Variants in PTTG1IP2 observed in about 807,000 individuals in gnomAD.
PTTG1IP2 encodes the protein PTTG1IP family member 2.
In PTTG1IP2 at chr7:90,497,713, T is replaced by TAAAAAAA. The variant is rs1491565834; in HGVS notation, c.*50+3284_*50+3285insAAAAAAA. On this transcript the variant is annotated intron_variant, in intron 6 of 6. Transcript: ENST00000509356. ...GCCTGAGCGACAGAGAAAGACCCTG[T>TAAAAAAA]ATAAAAAAAAAAAAAAAAAAAAAAA... is the stretch of plus-strand genomic sequence containing the variant. 4.1e-3 allele frequency among the ~76,000 whole-genome samples: 202 copies of TAAAAAAA among 49,586 alleles called. 65 individuals are homozygous for TAAAAAAA. The highest frequency in any genetic ancestry group is 0.012 in the Middle Eastern group (1 of 82). 32.5% of individuals were successfully genotyped at this position (49,586 alleles called of 152,430 possible).
At chr7:90,482,651 T>C (rs111317725) in intron 2 of PTTG1IP2, among the ~76,000 whole-genome samples, 3 of 152,290 alleles carry the variant, frequency 2.0e-5, no homozygotes, top group African/African-American at 7.2e-5. Flanking sequence ...TGCTATTCAG[T>C]CGTTATGCAT....
At chr7:90,473,654 A>G (rs1797714927) in intron 1 of PTTG1IP2, among the ~76,000 whole-genome samples, 1 of 152,184 alleles carries the variant, frequency 6.6e-6, no homozygotes. Context: ...AGAGGCCTAG[A>G]TCAGATTCCA....
intron 2 of PTTG1IP2, among the ~76,000 whole-genome samples, chr7:90,482,837 C>G (rs1370067188): frequency 6.6e-6 from 1 of 152,076 alleles, no homozygotes; most frequent in African/African-American, 2.4e-5. Flanking sequence ...CTAACTGTGA[C>G]CTGATATGGA....
intron 3 of PTTG1IP2, among the ~76,000 whole-genome samples, chr7:90,488,488 A>T (rs544982925): frequency 6.6e-6 from 1 of 152,066 alleles, no homozygotes; most frequent in African/African-American, 2.4e-5. Flanking sequence ...CTGAAATTCA[A>T]ACAATAAATC....
At chr7:90,497,742 A>AAAAG (rs1554407474) in intron 6 of PTTG1IP2, among the ~76,000 whole-genome samples, 11 of 135,668 alleles carry the variant, frequency 8.1e-5, no homozygotes, top group East Asian at 2.1e-4. Context: ...AAAAAAAAAA[A>AAAAG]AAGAAGAAGA....
intron 1 of PTTG1IP2, among the ~76,000 whole-genome samples, chr7:90,478,995 G>T (rs1174934397): frequency 6.6e-6 from 1 of 152,100 alleles, no homozygotes; most frequent in Non-Finnish European, 1.5e-5. Context: ...GCTCATCAAA[G>T]TTGGATGATG....
At chr7:90,506,672 C>G (rs533703477) in intron 6 of PTTG1IP2, among the ~76,000 whole-genome samples, 2 of 152,056 alleles carry the variant, frequency 1.3e-5, no homozygotes, top group Non-Finnish European at 2.9e-5. Flanking sequence ...GAGGGTGAGG[C>G]AGGAGGATGG....
At chr7:90,499,810 T>G (rs1180871918) in intron 6 of PTTG1IP2, among the ~76,000 whole-genome samples, 4 of 152,082 alleles carry the variant, frequency 2.6e-5, no homozygotes, top group Admixed American at 1.3e-4. Context: ...CTTGAACTCC[T>G]CACCTCAAGT....
At chr7:90,475,059 T>C (rs1280682055) in intron 1 of PTTG1IP2, among the ~76,000 whole-genome samples, 1 of 152,184 alleles carries the variant, frequency 6.6e-6, no homozygotes, top group Non-Finnish European at 1.5e-5. Flanking sequence ...AACGTCAGTA[T>C]GGCAGCACCA....
intron 5 of PTTG1IP2, among the ~76,000 whole-genome samples, chr7:90,494,015 G>A (rs147698273): frequency 2.6e-5 from 4 of 152,276 alleles, no homozygotes; most frequent in African/African-American, 4.8e-5. Flanking sequence ...GGTGGTAATA[G>A]TGCCCTTCTT....
chr7:90,476,700 A>G (rs1292969646), intron 1 of PTTG1IP2, among the ~76,000 whole-genome samples: 1 of 152,192 alleles, frequency 6.6e-6, no homozygotes, highest in African/African-American at 2.4e-5. Context: ...GATATTCCAT[A>G]TTGACATGTA....
chr7:90,500,170 T>C (rs1798046404), intron 6 of PTTG1IP2, among the ~76,000 whole-genome samples: 1 of 151,968 alleles, frequency 6.6e-6, no homozygotes, highest in Non-Finnish European at 1.5e-5. Flanking sequence ...GCTAAGATTG[T>C]GCCGCTGCAC....
At chr7:90,512,776 ATT>A (rs1344713121) in intron 6 of PTTG1IP2, among the ~76,000 whole-genome samples, 1 of 152,214 alleles carries the variant, frequency 6.6e-6, no homozygotes, top group East Asian at 1.9e-4. Context: ...AAGAAAAACA[ATT>A]GTCTTTTGGA....
chr7:90,498,064 T>C (rs1278178027), intron 6 of PTTG1IP2, among the ~76,000 whole-genome samples: 3 of 152,240 alleles, frequency 2.0e-5, no homozygotes, highest in Admixed American at 6.5e-5. Flanking sequence ...CTCGCTCTGT[T>C]GCCCAGACTA....
chr7:90,492,862 C>T (rs1273506921), intron 5 of PTTG1IP2, among the ~76,000 whole-genome samples: 4 of 152,138 alleles, frequency 2.6e-5, no homozygotes, highest in African/African-American at 9.7e-5. Context: ...TGGCTAACCT[C>T]CTATCCGCTC....
intron 6 of PTTG1IP2, among the ~76,000 whole-genome samples, chr7:90,494,751 T>A (rs990735280): frequency 6.6e-6 from 1 of 152,132 alleles, no homozygotes. Context: ...GTGTGGTGCC[T>A]CACACCTGCA....
chr7:90,482,676 T>C (rs896115111), intron 2 of PTTG1IP2, among the ~76,000 whole-genome samples: 7 of 152,306 alleles, frequency 4.6e-5, no homozygotes, highest in East Asian at 1.9e-4. Flanking sequence ...GTTGAATCCT[T>C]GGAACGAAAG....
At chr7:90,499,059 C>T (rs753347038) in intron 6 of PTTG1IP2, among the ~76,000 whole-genome samples, 2 of 152,060 alleles carry the variant, frequency 1.3e-5, no homozygotes, top group Non-Finnish European at 2.9e-5. Context: ...ACTATATTGC[C>T]CAGGCTGGTC....
intron 6 of PTTG1IP2, among the ~76,000 whole-genome samples, chr7:90,498,032 C>CT (rs202082533): frequency 0.053 from 7,812 of 146,596 alleles, 480 homozygotes; most frequent in East Asian, 0.16. Flanking sequence ...TGAACCCCCC[C>CT]TTTTTTTTTT....
Sources: gnomAD v4.1 joint callset for allele counts (sites outside exome capture counted in the v4.1 genomes callset) on GRCh38, gnomAD v4.1.1 for gene constraint, MANE v1.5 for transcripts, NCBI Gene and HGNC (gene_info 2026-07-23, HGNC 2026-07-21) for gene names.